Variants in GREM1 observed in about 807,000 individuals in gnomAD.
GREM1 encodes gremlin 1, DAN family BMP antagonist.
Under a neutral mutation model 13.1 loss-of-function variants are expected in GREM1, and 6 were observed. The ratio of observed to expected loss-of-function variants is 0.46; its 90% CI spans 0.25 to 0.91. The LOEUF is 0.91. GREM1 is among the 40% of genes least tolerant of loss of function. The pLI is 0.18. For synonymous variants in GREM1, 98 were observed against 93.7 expected, an observed-to-expected ratio of 1.05 and a Z score of -0.27; for missense variants, 185 against 233.9, an observed-to-expected ratio of 0.79 and a Z score of 1.36.
At chr15:32,728,292 T>A (rs1005965067) in intron 1 of GREM1, among the ~76,000 whole-genome samples, 4 of 152,246 alleles carry the variant, frequency 2.6e-5, no homozygotes, top group East Asian at 3.9e-4. Context: ...TGCTTTTTTT[T>A]AAAAGACAAA....
At position 32,743,380 on chromosome 15, in the gene GREM1, G is replaced by A. The variant is rs2055778243; in HGVS notation, c.*12135G>A. The stretch of plus-strand genomic sequence containing the variant: ...AAAATCAGAGCTGTAAAGGGAAGAG[G>A]ATATCCTGATGAATTTTTTTCTTGG... On this transcript the variant is annotated 3_prime_UTR_variant, in exon 2 of 2. Coordinates refer to ENST00000651154, the MANE Select transcript of GREM1 (RefSeq NM_013372.7). 6.6e-6 allele frequency: 1 copy of A among 152,174 alleles called. No homozygotes were observed. Among genetic ancestry groups the A allele is most frequent in the Admixed American group, 6.6e-5 (1 of 15,266 alleles). The allele number at this position is 152,174 out of a possible 1,614,324, so 9.4% of individuals were successfully genotyped here. A position where few individuals can be genotyped will look rare whatever the true frequency, so the allele number is the denominator to read the frequency against.
In GREM1 at chr15:32,737,440, C is replaced by G. The variant is rs1367295996; in HGVS notation, c.*6195C>G. 1 of 152,004 alleles carries G rather than the reference C, an allele frequency of 6.6e-6. No individual in the cohort carries two copies. The highest frequency in any genetic ancestry group is 6.6e-5 in the Admixed American group (1 of 15,258). 9.4% of individuals were successfully genotyped at this position (152,004 alleles called of 1,614,324 possible). On this transcript the variant is annotated 3_prime_UTR_variant, in exon 2 of 2. Coordinates refer to ENST00000651154, the MANE Select transcript of GREM1 (RefSeq NM_013372.7). ...TATACCTTGACCAAGTGGGATTTGC[C>G]CCAGGAATGCAAGATTGATTTAACC... is the stretch of plus-strand genomic sequence containing the variant.
intron 1 of GREM1, among the ~76,000 whole-genome samples, chr15:32,722,688 A>G (rs1363800921): frequency 6.6e-6 from 1 of 152,166 alleles, no homozygotes; most frequent in East Asian, 1.9e-4. Flanking sequence ...CTTGATCCCT[A>G]AGGGAAACTG....
Position 32,718,042 on chromosome 15 carries a change from C to A in GREM1, c.-121C>A. 1 of 1,158,960 alleles carries A rather than the reference C, an allele frequency of 8.6e-7. No homozygotes were observed. The highest frequency in any genetic ancestry group is 2.2e-5 in the South Asian group (1 of 45,440). 71.8% of individuals were successfully genotyped at this position (1,158,960 alleles called of 1,614,324 possible). On this transcript the variant is annotated 5_prime_UTR_variant, in exon 1 of 2. Transcript: ENST00000651154. ...TCCGCGGACCGGGCGACCCAGTGCA[C>A]GGCCGCCGCGTCACTCTCGGTCCCG... is the stretch of plus-strand genomic sequence containing the variant.
In GREM1 at chr15:32,732,303, C is replaced by G. The variant is rs1186397200; in HGVS notation, c.*1058C>G. The G allele has an allele frequency of 4.2e-6, 1 of 238,572 alleles. No homozygotes were observed. Among genetic ancestry groups the G allele is most frequent in the Non-Finnish European group, 8.9e-6 (1 of 112,188 alleles). 14.8% of individuals were successfully genotyped at this position (238,572 alleles called of 1,614,324 possible). A position where few individuals can be genotyped will look rare whatever the true frequency, so the allele number is the denominator to read the frequency against. ...TTTCCTTTATCGTGGTTATAGTCAGCTCATTTCCATTCCACTATTTCCCAT... is the reference window on the plus strand; with the variant it reads ...TTTCCTTTATCGTGGTTATAGTCAGGTCATTTCCATTCCACTATTTCCCAT... On this transcript the variant is annotated 3_prime_UTR_variant, in exon 2 of 2. Transcript: ENST00000651154.
rs143957693 is a variant in GREM1, at chr15:32,719,782, T to G, written c.-2+1621T>G. ...GTACACACAAGTTAAATAAATAGCG[T>G]AGAAGAGGTTAAGATAACCCCATTC... On this transcript the variant is annotated intron_variant, in intron 1 of 1. Coordinates refer to ENST00000651154, the MANE Select transcript of GREM1 (RefSeq NM_013372.7). 1.1e-4 allele frequency among the ~76,000 whole-genome samples: 16 copies of G among 152,312 alleles called. No individual in the cohort carries two copies. In the East Asian group the frequency reaches 3.1e-3, roughly 29 times the overall value.
rs1257525898 is a variant in GREM1 at position 32,738,048 on chromosome 15, A to G, written c.*6803A>G. ...TATCTGCTGTCACTATTTTTATTCA[A>G]TATTATACTGGAGGTTCTACCTAGG... On this transcript the variant is annotated 3_prime_UTR_variant, in exon 2 of 2. Transcript: ENST00000651154. 3.0e-5 allele frequency: 4 copies of G among 133,622 alleles called. No homozygotes were observed. Among genetic ancestry groups the G allele is most frequent in the East Asian group, 2.3e-4 (1 of 4,392 alleles). The allele number at this position is 133,622 out of a possible 1,614,324, so 8.3% of individuals were successfully genotyped here. A position where few individuals can be genotyped will look rare whatever the true frequency, so the allele number is the denominator to read the frequency against.
chr15:32,731,389 G>A lies in GREM1; in HGVS notation c.*144G>A. 1.5e-6 allele frequency: 1 copy of A among 655,594 alleles called. No individual in the cohort carries two copies. Among genetic ancestry groups the A allele is most frequent in the Non-Finnish European group, 2.7e-6 (1 of 372,140 alleles). 40.6% of individuals were successfully genotyped at this position (655,594 alleles called of 1,614,324 possible). The stretch of plus-strand genomic sequence containing the variant: ...CCTGGCAGGAGCCTGCTTGTGCGTA[G>A]TTCGTGTGCATGAGTGTGGATGGGT... On this transcript the variant is annotated 3_prime_UTR_variant, in exon 2 of 2. Coordinates refer to ENST00000651154, the MANE Select transcript of GREM1 (RefSeq NM_013372.7).
chr15:32,730,407 GGAA>G (rs1418534176), intron 1 of GREM1, among the ~76,000 whole-genome samples: 1 of 152,190 alleles, frequency 6.6e-6, no homozygotes, highest in Non-Finnish European at 1.5e-5. Context: ...CCAGAGGCCA[GGAA>G]GAAGTTCTTG....
chr15:32,735,678 GAGAAAGTGTTCTC>G lies in GREM1; in HGVS notation c.*4439_*4451del, dbSNP rs1312559005. ...GGGGAGAATGGAAGCAAGTACCAAG[GAGAAAGTGTTCTC>G]AGAAAAGCCACACCCATTAGAAAAA... On this transcript the variant is annotated 3_prime_UTR_variant, in exon 2 of 2. Coordinates refer to ENST00000651154, the MANE Select transcript of GREM1 (RefSeq NM_013372.7). 38 of 151,180 alleles carry G rather than the reference GAGAAAGTGTTCTC, an allele frequency of 2.5e-4. No homozygotes were observed. The highest frequency in any genetic ancestry group is 9.2e-4 in the African/African-American group (38 of 41,166). The allele number at this position is 151,180 out of a possible 1,614,324, so 9.4% of individuals were successfully genotyped here. A position where few individuals can be genotyped will look rare whatever the true frequency, so the allele number is the denominator to read the frequency against.
intron 1 of GREM1, among the ~76,000 whole-genome samples, chr15:32,724,797 C>A (rs998254149): frequency 6.6e-6 from 1 of 151,820 alleles, no homozygotes; most frequent in Non-Finnish European, 1.5e-5. Context: ...TAGCCCCCCA[C>A]CCCTCGACAG....
chr15:32,742,447 T>C lies in GREM1; in HGVS notation c.*11202T>C, dbSNP rs1276008134. On this transcript the variant is annotated 3_prime_UTR_variant, in exon 2 of 2. Coordinates refer to ENST00000651154, the MANE Select transcript of GREM1 (RefSeq NM_013372.7). ...CTTAATATTCTTAAAATGCCCATAT[T>C]ACCCAAAGTGATCTATAGATTCATG... is the stretch of plus-strand genomic sequence containing the variant. 1.3e-5 allele frequency: 2 copies of C among 152,216 alleles called. No individual in the cohort carries two copies. The highest frequency in any genetic ancestry group is 2.9e-5 in the Non-Finnish European group (2 of 68,034). The allele number at this position is 152,216 out of a possible 1,614,324, so 9.4% of individuals were successfully genotyped here.
intron 1 of GREM1, chr15:32,718,969 T>C (rs1218388117): frequency 4.0e-5 from 7 of 173,290 alleles, no homozygotes; most frequent in Non-Finnish European, 2.5e-5. Flanking sequence ...GGCCACCGGC[T>C]GGTTCCCACT....
chr15:32,719,163 G>T lies in GREM1; in HGVS notation c.-2+1002G>T, dbSNP rs372894528. On this transcript the variant is annotated intron_variant, in intron 1 of 1. Transcript: ENST00000651154. ...GCCCCTCCACAGCTTGCGGAGCAAG[G>T]CCATAGCAGGGGAGTGGGAGGTATA... Among the ~76,000 whole-genome samples, 13 of 152,370 alleles carry T rather than the reference G, an allele frequency of 8.5e-5. No homozygotes were observed. In the East Asian group the frequency reaches 2.5e-3, roughly 29 times the overall value.
rs1352376652 is a variant in GREM1 at position 32,743,536 on chromosome 15, A to C, written c.*12291A>C. The C allele has an allele frequency of 2.0e-5, 3 of 152,268 alleles. No homozygotes were observed. The highest frequency in any genetic ancestry group is 4.4e-5 in the Non-Finnish European group (3 of 68,050). The allele number at this position is 152,268 out of a possible 1,614,324, so 9.4% of individuals were successfully genotyped here. Reference sequence around the variant, plus strand: ...ATCTATTATCTCATGCATTTCTGATATAGATATAGGAGTGACTAATCTGGG... The same window carrying C: ...ATCTATTATCTCATGCATTTCTGATCTAGATATAGGAGTGACTAATCTGGG... On this transcript the variant is annotated 3_prime_UTR_variant, in exon 2 of 2. Transcript: ENST00000651154.
intron 1 of GREM1, among the ~76,000 whole-genome samples, chr15:32,729,994 G>A (rs1305466050): frequency 1.4e-4 from 22 of 152,196 alleles, no homozygotes; most frequent in Admixed American, 1.4e-3. Context: ...TCCAATTGCT[G>A]TCACATTGAC....
At chr15:32,720,960 C>T (rs1166076092) in intron 1 of GREM1, among the ~76,000 whole-genome samples, 1 of 152,110 alleles carries the variant, frequency 6.6e-6, no homozygotes, top group Non-Finnish European at 1.5e-5. Flanking sequence ...AGTTCGACAC[C>T]AGCCTGACCA....
rs1217571825 is a variant in GREM1, at chr15:32,736,929, T to A, written c.*5684T>A. The A allele has an allele frequency of 6.6e-6, 1 of 152,208 alleles. No individual in the cohort carries two copies. Among genetic ancestry groups the A allele is most frequent in the East Asian group, 1.9e-4 (1 of 5,188 alleles). 9.4% of individuals were successfully genotyped at this position (152,208 alleles called of 1,614,324 possible). A position where few individuals can be genotyped will look rare whatever the true frequency, so the allele number is the denominator to read the frequency against. On this transcript the variant is annotated 3_prime_UTR_variant, in exon 2 of 2. Coordinates refer to ENST00000651154, the MANE Select transcript of GREM1 (RefSeq NM_013372.7). ...GAGCTGCTCTCCACAAAAAGCCTCA[T>A]GTGAGTAATAAATGTTTCATACTCT... is the stretch of plus-strand genomic sequence containing the variant.
At position 32,718,926 on chromosome 15, in the gene GREM1, G is replaced by A. The variant is rs7168877; in HGVS notation, c.-2+765G>A. 0.29 allele frequency: 53,132 copies of A among 184,916 alleles called. 7,828 individuals are homozygous for A. Among genetic ancestry groups the A allele is most frequent in the South Asian group, 0.36 (3,065 of 8,562 alleles). 11.5% of individuals were successfully genotyped at this position (184,916 alleles called of 1,614,324 possible). The stretch of plus-strand genomic sequence containing the variant: ...CTCTTCCCCGCCCCGCGCACGCCCG[G>A]GCTGAATGGTAGACGTTCTGGCGCC... On this transcript the variant is annotated intron_variant, in intron 1 of 1. Coordinates refer to ENST00000651154, the MANE Select transcript of GREM1 (RefSeq NM_013372.7).
Sources: gnomAD v4.1 joint callset for allele counts (sites outside exome capture counted in the v4.1 genomes callset) on GRCh38, gnomAD v4.1.1 for gene constraint, MANE v1.5 for transcripts, NCBI Gene and HGNC (gene_info 2026-07-23, HGNC 2026-07-21) for gene names.